The following CLASRP variants were observed in gnomAD, a reference collection of about 807,000 sequenced individuals.
The protein encoded by CLASRP is CLK4 associating serine/arginine rich protein.
In CLASRP, 52 loss-of-function variants were observed where a neutral mutation model predicts 99.9. The ratio of observed to expected loss-of-function variants is 0.52; its 90% CI spans 0.42 to 0.66. The LOEUF (loss-of-function observed/expected upper bound fraction) is 0.66, where lower values mean the gene tolerates loss of function less well. CLASRP is among the 30% of genes least tolerant of loss of function. The pLI is 0.00. For missense variants in CLASRP, 848 were observed against 999.2 expected (o/e 0.85, Z 2.04); for synonymous variants, 379 against 373.0 (o/e 1.02, Z -0.18).
chr19:45,059,386 C>G lies in CLASRP; in HGVS notation c.710+22C>G, dbSNP rs936311454. 3.9e-6 allele frequency: 6 copies of G among 1,551,866 alleles called. No individual in the cohort carries two copies. The African/African-American group carries it at 6.8e-5, about 18-fold the overall frequency. ...TCAGGTGAGGCCTGCCTGCTGACACCCCTACCCATTCTGTGGGCCCCACCC... is the reference window on the plus strand; with the variant it reads ...TCAGGTGAGGCCTGCCTGCTGACACGCCTACCCATTCTGTGGGCCCCACCC... On this transcript the variant is annotated intron_variant, in intron 8 of 20. Coordinates refer to ENST00000221455, the MANE Select transcript of CLASRP (RefSeq NM_007056.3).
At chr19:45,048,010 G>A (rs1037693461) in intron 2 of CLASRP, among the ~76,000 whole-genome samples, 7 of 151,790 alleles carry the variant, frequency 4.6e-5, no homozygotes, top group African/African-American at 1.7e-4. Context: ...GGGAGGCGGA[G>A]GTTGCAGTGA....
At chr19:45,056,771 C>G (rs1407397763) in intron 6 of CLASRP, among the ~76,000 whole-genome samples, 1 of 152,168 alleles carries the variant, frequency 6.6e-6, no homozygotes, top group Admixed American at 6.5e-5. Flanking sequence ...AGGTGCAGGC[C>G]CTGTGGTGAG....
intron 19 of CLASRP, 117 bp from the exon 20 acceptor site, chr19:45,070,420 T>C: frequency 1.1e-6 from 1 of 908,386 alleles, no homozygotes; most frequent in South Asian, 1.3e-5. Context: ...TCTCTGGAAA[T>C]GTCCCCTCAT....
intron 4 of CLASRP, 74 bp from the exon 5 acceptor site, chr19:45,053,024 C>T (rs1026928549): frequency 8.2e-6 from 13 of 1,579,478 alleles, no homozygotes; most frequent in Non-Finnish European, 1.1e-5. Context: ...GGGGATGCCT[C>T]ATTTCCCTTC....
At chr19:45,069,661 A>G in intron 18 of CLASRP, 1 of 441,358 alleles carries the variant, frequency 2.3e-6, no homozygotes, top group Non-Finnish European at 4.2e-6. Context: ...TGACAAGATC[A>G]AGGCCAGGCA....
intron 11 of CLASRP, among the ~76,000 whole-genome samples, chr19:45,063,669 C>CA (rs1259134946): frequency 4.0e-5 from 6 of 151,662 alleles, no homozygotes; most frequent in Non-Finnish European, 7.4e-5. Flanking sequence ...AGGCTGGTCT[C>CA]AAACTCCTGG....
intron 5 of CLASRP, among the ~76,000 whole-genome samples, chr19:45,055,038 A>G (rs745728237): frequency 2.0e-5 from 3 of 152,190 alleles, no homozygotes; most frequent in Non-Finnish European, 4.4e-5. Flanking sequence ...TCCAGGCCAC[A>G]TGGCTTCCTG....
In CLASRP at chr19:45,064,585, G is replaced by T. The variant is rs769656176; in HGVS notation, c.1364G>T (p.Arg455Leu). 1.3e-6 allele frequency: 2 copies of T among 1,544,152 alleles called. No individual in the cohort carries two copies. The highest frequency in any genetic ancestry group is 1.7e-6 in the Non-Finnish European group (2 of 1,149,990). The change falls in exon 13 of 21, where the codon CGC becomes CTC. Residue 455 changes from arginine to leucine, a missense_variant. Around this residue, in one of 8 missense-constraint regions of CLASRP, gnomAD observed 489 missense variants for 434.7 expected, o/e 1.12. Coordinates refer to ENST00000221455, the MANE Select transcript of CLASRP (RefSeq NM_007056.3). ...TCCCGAGACGGACACCGGTACTCCC[G>T]CTCGCCCGCCCGGCGTGGTGGTTAC... ...GGSRDGHRYSRSPARRGGYGP... is the reference protein window; with the variant it reads ...GGSRDGHRYSLSPARRGGYGP...
At chr19:45,070,498 G>A in intron 19 of CLASRP, 39 bp from the exon 20 acceptor site, 2 of 1,608,942 alleles carry the variant, frequency 1.2e-6, no homozygotes, top group South Asian at 2.2e-5. Flanking sequence ...CCCTGGCCCT[G>A]GATGTTTGCT....
chr19:45,059,514 T>A lies in CLASRP; in HGVS notation c.710+150T>A, dbSNP rs564174686. 1.7e-5 allele frequency: 12 copies of A among 690,652 alleles called. No individual in the cohort carries two copies. In the African/African-American group the frequency reaches 2.0e-4, roughly 11 times the overall value. 42.8% of individuals were successfully genotyped at this position (690,652 alleles called of 1,614,324 possible). ...CTTTACACATGCAGGTCCCTGAGCC[T>A]ATGGTGGTCGTGGCCCCACTTCATC... On this transcript the variant is annotated intron_variant, in intron 8 of 20. Transcript: ENST00000221455.
chr19:45,063,168 TG>T (rs951368436), intron 11 of CLASRP, among the ~76,000 whole-genome samples: 8 of 151,896 alleles, frequency 5.3e-5, no homozygotes, highest in African/African-American at 1.7e-4. Flanking sequence ...AAAACACGTT[TG>T]TTTTTTTTTT....
At position 45,052,180 on chromosome 19, in the gene CLASRP, A is replaced by G. The variant is rs1972036660; in HGVS notation, c.197+12A>G. On this transcript the variant is annotated intron_variant, in intron 3 of 20. Coordinates refer to ENST00000221455, the MANE Select transcript of CLASRP (RefSeq NM_007056.3). ...AGCCCTGTTAATATGTAAGACTGAT[A>G]TGGAAGGCAGGGGAGTGTCTGAAGT... The G allele has an allele frequency of 1.2e-6, 2 of 1,610,632 alleles. No homozygotes were observed. The highest frequency in any genetic ancestry group is 8.5e-7 in the Non-Finnish European group (1 of 1,177,076).
intron 13 of CLASRP, among the ~76,000 whole-genome samples, chr19:45,065,591 T>A (rs1372102855): frequency 6.6e-6 from 1 of 151,948 alleles, no homozygotes; most frequent in Non-Finnish European, 1.5e-5. Flanking sequence ...ACATTTCATT[T>A]TGGAGACGAC....
chr19:45,044,159 G>A (rs763652473), intron 2 of CLASRP, among the ~76,000 whole-genome samples: 1 of 152,238 alleles, frequency 6.6e-6, no homozygotes, highest in African/African-American at 2.4e-5. Context: ...TGGGATTATA[G>A]GCGTGAGCCA....
rs1213173030 is a variant in CLASRP at position 45,063,094 on chromosome 19, C to G, written c.905+899C>G. On this transcript the variant is annotated intron_variant, in intron 11 of 20. Transcript: ENST00000221455. ...GAAATAAAAGGTGTAGGTTAGTGCT[C>G]CATACATGGGAGTGTCAGGAATATC... 3.9e-5 allele frequency among the ~76,000 whole-genome samples: 6 copies of G among 152,122 alleles called. No homozygotes were observed. The South Asian group carries it at 1.0e-3, about 26-fold the overall frequency.
intron 13 of CLASRP, among the ~76,000 whole-genome samples, chr19:45,065,444 C>T (rs571667679): frequency 1.3e-5 from 2 of 151,880 alleles, no homozygotes; most frequent in East Asian, 1.9e-4. Flanking sequence ...GCATGTAGTC[C>T]CAGCTATGCA....
intron 2 of CLASRP, among the ~76,000 whole-genome samples, chr19:45,042,541 A>G (rs560439875): frequency 6.6e-6 from 1 of 151,680 alleles, no homozygotes; most frequent in South Asian, 2.1e-4. Context: ...GTGTGTATGT[A>G]TGTATACACA....
At position 45,067,625 on chromosome 19, in the gene CLASRP, T is replaced by C. The variant is rs1051900821; in HGVS notation, c.1667+31T>C. ...CGGGGCGGGTCTGGAGGAAGAGGGC[T>C]GCCAATCTCGGGTGGGGAGGGTGAA... On this transcript the variant is annotated intron_variant, in intron 14 of 20. Coordinates refer to ENST00000221455, the MANE Select transcript of CLASRP (RefSeq NM_007056.3). The surrounding 1 kb of genome is among the most constrained non-coding windows in gnomAD (Gnocchi z 4.9). 3.9e-6 allele frequency: 6 copies of C among 1,557,290 alleles called. No individual in the cohort carries two copies. Among genetic ancestry groups the C allele is most frequent in the Non-Finnish European group, 5.2e-6 (6 of 1,149,968 alleles).
intron 13 of CLASRP, among the ~76,000 whole-genome samples, chr19:45,065,792 A>G (rs889060994): frequency 3.9e-5 from 6 of 152,188 alleles, no homozygotes; most frequent in Non-Finnish European, 7.3e-5. Context: ...ATTCTGTAAA[A>G]TCGCGGTAAT....
Sources: allele counts gnomAD v4.1 joint callset (sites outside exome capture counted in the v4.1 genomes callset), GRCh38; gene constraint gnomAD v4.1.1; regional missense constraint gnomAD v4.1.1; non-coding constraint Gnocchi (gnomAD v3.1); transcripts MANE v1.5; gene names NCBI Gene and HGNC (gene_info 2026-07-23, HGNC 2026-07-21).